The following STX17 variants were observed in gnomAD, a reference collection of about 807,000 sequenced individuals.
The protein encoded by STX17 is syntaxin 17.
Under a neutral mutation model 35.9 loss-of-function variants are expected in STX17, and 29 were observed. The ratio of observed to expected loss-of-function variants is 0.81; its 90% CI spans 0.60 to 1.10. The LOEUF (loss-of-function observed/expected upper bound fraction) is 1.10, where lower values mean the gene tolerates loss of function less well. STX17 is among the 50% of genes least tolerant of loss of function. The pLI, the probability that STX17 is intolerant of heterozygous loss-of-function variation, is 0.00. For missense variants in STX17, 312 were observed against 352.3 expected, an observed-to-expected ratio of 0.89 and a Z score of 0.92; for synonymous variants, 92 against 118.3, an observed-to-expected ratio of 0.78 and a Z score of 1.44.
At chr9:99,947,434 T>C (rs933359218) in intron 3 of STX17, among the ~76,000 whole-genome samples, 3 of 152,222 alleles carry the variant, frequency 2.0e-5, no homozygotes, top group Non-Finnish European at 2.9e-5. Context: ...CCTGTTGTTT[T>C]TGCTGTTTCT....
chr9:99,945,757 C>G (rs1313677644), intron 3 of STX17: 1 of 397,726 alleles, frequency 2.5e-6, no homozygotes. Flanking sequence ...AGGATTTCAT[C>G]AACTGTGGAA....
chr9:99,934,055 T>C (rs1829178799), intron 3 of STX17, among the ~76,000 whole-genome samples: 1 of 152,196 alleles, frequency 6.6e-6, no homozygotes, highest in South Asian at 2.1e-4. Flanking sequence ...CAGAATATGA[T>C]TAATTGACAA....
chr9:99,928,927 T>C, intron 3 of STX17, 84 bp downstream of exon 3: 3 of 1,213,618 alleles, frequency 2.5e-6, no homozygotes, highest in Non-Finnish European at 3.6e-6. Context: ...CCTTTGCAGC[T>C]GAACCCTTTT....
At chr9:99,920,048 T>G (rs1300840860) in intron 2 of STX17, among the ~76,000 whole-genome samples, 1 of 152,214 alleles carries the variant, frequency 6.6e-6, no homozygotes, top group Admixed American at 6.5e-5. Context: ...TTTCCCAACC[T>G]CGTTCCTTTT....
chr9:99,947,218 A>C (rs894796961), intron 3 of STX17, among the ~76,000 whole-genome samples: 3 of 152,128 alleles, frequency 2.0e-5, no homozygotes, highest in African/African-American at 7.2e-5. Flanking sequence ...CCTAATATGA[A>C]GCTAAACTCA....
chr9:99,960,829 A>G (rs186202874), intron 6 of STX17, among the ~76,000 whole-genome samples: 1 of 152,344 alleles, frequency 6.6e-6, no homozygotes, highest in African/African-American at 2.4e-5. Context: ...AAAAGCAAGA[A>G]TGAAGAGAGG....
chr9:99,927,194 C>T lies in STX17; in HGVS notation c.124-1584C>T, dbSNP rs548269513. 1.8e-4 allele frequency among the ~76,000 whole-genome samples: 27 copies of T among 152,328 alleles called. No homozygotes were observed. The South Asian group carries it at 5.4e-3, about 30-fold the overall frequency. On this transcript the variant is annotated intron_variant, in intron 2 of 7. Transcript: ENST00000259400. Reference sequence around the variant, plus strand: ...AATTCTGATAGCCTTGGCATCTACACATTCTCAACTCTGTTTCCTTAGTGT... The same window carrying T: ...AATTCTGATAGCCTTGGCATCTACATATTCTCAACTCTGTTTCCTTAGTGT...
At chr9:99,964,459 A>G (rs897244810) in intron 6 of STX17, among the ~76,000 whole-genome samples, 1 of 152,174 alleles carries the variant, frequency 6.6e-6, no homozygotes, top group Non-Finnish European at 1.5e-5. Flanking sequence ...CTTGAGAAAC[A>G]CTGCAGTGTA....
Position 99,919,435 on chromosome 9 carries a change from C to T in STX17, c.123+4073C>T, listed in dbSNP as rs543480774. ...TGGCTTGCTTCTCATTGCCACTCTT[C>T]CCTACCATGTACCCCTTTTGCAGGC... On this transcript the variant is annotated intron_variant, in intron 2 of 7. Coordinates refer to ENST00000259400, the MANE Select transcript of STX17 (RefSeq NM_017919.3). 2.6e-5 allele frequency among the ~76,000 whole-genome samples: 4 copies of T among 152,316 alleles called. No homozygotes were observed. In the East Asian group the frequency reaches 5.8e-4, roughly 22 times the overall value.
At chr9:99,957,472 G>A (rs536372887) in intron 4 of STX17, among the ~76,000 whole-genome samples, 1 of 152,092 alleles carries the variant, frequency 6.6e-6, no homozygotes, top group Non-Finnish European at 1.5e-5. Flanking sequence ...TACTCAGTGG[G>A]TGCTCAGAAA....
intron 6 of STX17, 167 bp from the exon 7 acceptor site, chr9:99,967,486 A>T: frequency 2.7e-6 from 1 of 370,018 alleles, no homozygotes; most frequent in Non-Finnish European, 4.9e-6. Flanking sequence ...TTTTTATGAA[A>T]GTTAATTTGT....
chr9:99,940,749 G>A (rs1040448272), intron 3 of STX17, among the ~76,000 whole-genome samples: 2 of 152,218 alleles, frequency 1.3e-5, no homozygotes, highest in South Asian at 2.1e-4. Context: ...CCAAAGTGCC[G>A]GGATTACAGG....
chr9:99,911,936 C>T (rs1449774647), intron 1 of STX17, among the ~76,000 whole-genome samples: 2 of 152,160 alleles, frequency 1.3e-5, no homozygotes, highest in African/African-American at 2.4e-5. Flanking sequence ...GTATAAGAGT[C>T]CTCTTTCTCG....
chr9:99,959,423 T>C (rs1163602855), intron 4 of STX17, among the ~76,000 whole-genome samples: 1 of 149,916 alleles, frequency 6.7e-6, no homozygotes, highest in East Asian at 2.0e-4. Flanking sequence ...ATGTGTTAAC[T>C]AATCTGGGGA....
At chr9:99,916,091 G>T in intron 2 of STX17, 1 of 454,590 alleles carries the variant, frequency 2.2e-6, no homozygotes, top group South Asian at 1.6e-5. Flanking sequence ...AGATATGAGG[G>T]AATTTCCTTA....
At chr9:99,917,685 CT>C (rs1364681593) in intron 2 of STX17, among the ~76,000 whole-genome samples, 1 of 152,102 alleles carries the variant, frequency 6.6e-6, no homozygotes, top group Non-Finnish European at 1.5e-5. Context: ...TAGCATTCAG[CT>C]TTCTTGGCTA....
chr9:99,969,775 T>C lies in STX17; in HGVS notation c.*1102T>C, dbSNP rs1829988509. 2 of 152,562 alleles carry C rather than the reference T, an allele frequency of 1.3e-5. No homozygotes were observed. Among genetic ancestry groups the C allele is most frequent in the Non-Finnish European group, 2.9e-5 (2 of 68,040 alleles). The allele number at this position is 152,562 out of a possible 1,614,324, so 9.5% of individuals were successfully genotyped here. A position where few individuals can be genotyped will look rare whatever the true frequency, so the allele number is the denominator to read the frequency against. Reference sequence around the variant, plus strand: ...CATCCTTTTCCCCAGACTTTTTATCTCCTATGCATCCCTTTGCTTTCTATA... The same window carrying C: ...CATCCTTTTCCCCAGACTTTTTATCCCCTATGCATCCCTTTGCTTTCTATA... On this transcript the variant is annotated 3_prime_UTR_variant, in exon 8 of 8. Coordinates refer to ENST00000259400, the MANE Select transcript of STX17 (RefSeq NM_017919.3).
chr9:99,928,029 G>A (rs138341202), intron 2 of STX17, among the ~76,000 whole-genome samples: 151 of 152,202 alleles, frequency 9.9e-4, no homozygotes, highest in African/African-American at 3.5e-3. Context: ...TTTTGGGAAT[G>A]TGTAAAGTAT....
intron 4 of STX17, among the ~76,000 whole-genome samples, chr9:99,959,547 C>A (rs1407112223): frequency 2.7e-5 from 4 of 150,114 alleles, no homozygotes; most frequent in Non-Finnish European, 5.9e-5. Context: ...GCAACCTCGA[C>A]CTCCCAGGCT....
Sources: allele counts gnomAD v4.1 joint callset (sites outside exome capture counted in the v4.1 genomes callset), GRCh38; gene constraint gnomAD v4.1.1; transcripts MANE v1.5; gene names NCBI Gene and HGNC (gene_info 2026-07-23, HGNC 2026-07-21).